The following PADI6 variants were observed in gnomAD, a reference collection of about 807,000 sequenced individuals.
PADI6 encodes the protein peptidyl arginine deiminase 6, also known as inactive protein-arginine deiminase type-6.
In PADI6, 66 loss-of-function variants were observed where a neutral mutation model predicts 78.2. The observed-to-expected ratio is 0.84, with a 90% confidence interval of 0.69 to 1.04. The LOEUF (loss-of-function observed/expected upper bound fraction) is 1.04, where lower values mean the gene tolerates loss of function less well. PADI6 is among the 50% of genes least tolerant of loss of function. PADI6 has a pLI of 0.00. For missense variants in PADI6, 854 were observed against 866.1 expected, an observed-to-expected ratio of 0.99 and a Z score of 0.18; for synonymous variants, 397 against 346.9, an observed-to-expected ratio of 1.14 and a Z score of -1.60.
At chr1:17,398,648 T>TGGGGGGGGGGGGGGGG in intron 14 of PADI6, 38 bp from the exon 15 acceptor site, 1 of 193,326 alleles carries the variant, frequency 5.2e-6, no homozygotes, top group East Asian at 8.4e-5. Flanking sequence ...CTCTCCTTGC[T>TGGGGGGGGGGGGGGGG]CCCCCGCCCC....
At position 17,372,243 on chromosome 1, in the gene PADI6, A is replaced by T. The variant is rs769869522; in HGVS notation, c.-3A>T. 2.5e-6 allele frequency: 4 copies of T among 1,613,650 alleles called. No individual in the cohort carries two copies. On this transcript the variant is annotated 5_prime_UTR_variant, in exon 1 of 16. Coordinates refer to ENST00000619609, the MANE Select transcript of PADI6 (RefSeq NM_207421.4). ...GAGTGAGGGCTGCGGTGCAGGCCTG[A>T]GGATGGTCAGCGTGGAGGGCCGAGC...
In PADI6 at chr1:17,388,436, C is replaced by G; in HGVS notation, c.735C>G (p.Thr245=). 6 of 1,613,812 alleles carry G rather than the reference C, an allele frequency of 3.7e-6. No homozygotes were observed. Among genetic ancestry groups the G allele is most frequent in the Non-Finnish European group, 5.1e-6 (6 of 1,179,816 alleles). ...TGGGGCCCGACCAGCACGCCTATACCTTGGCCCTCCTCGGGAACCACTTGA... is the reference window on the plus strand; with the variant it reads ...TGGGGCCCGACCAGCACGCCTATACGTTGGCCCTCCTCGGGAACCACTTGA... The part of the protein sequence containing the change: ...LVLGPDQHAY[T]LALLGNHLKE... Residue 245 remains threonine, a synonymous_variant, in exon 7 of 16, where the codon ACC becomes ACG. Transcript: ENST00000619609.
chr1:17,401,375 CTG>C lies in PADI6; in HGVS notation c.2025_2026del (p.Ala676LeufsTer42), dbSNP rs2075300052. ...GTTACCTGACAGAGGTCGGAGACAT[CTG>C]TGCCTGTGCCAACATCCGCCGGGTG... ...DCYLTEVGDI[C>X]ACANIRRVPF... On this transcript the variant is annotated frameshift_variant, in exon 16 of 16. Transcript: ENST00000619609. LOFTEE classifies it high-confidence loss of function. The C allele has an allele frequency of 6.2e-7, 1 of 1,613,982 alleles. No homozygotes were observed. Among genetic ancestry groups the C allele is most frequent in the Non-Finnish European group, 8.5e-7 (1 of 1,179,914 alleles).
intron 2 of PADI6, among the ~76,000 whole-genome samples, chr1:17,373,751 C>T (rs976146067): frequency 5.9e-5 from 9 of 152,302 alleles, no homozygotes; most frequent in African/African-American, 1.2e-4. Context: ...CTCCACCTCC[C>T]AAAGTGCTGG....
At chr1:17,387,859 G>A (rs2075136755) in intron 6 of PADI6, among the ~76,000 whole-genome samples, 1 of 152,208 alleles carries the variant, frequency 6.6e-6, no homozygotes. Flanking sequence ...AAAACTAGGA[G>A]ACAGGCTTAA....
At chr1:17,379,835 G>T in intron 3 of PADI6, 85 bp from the exon 4 acceptor site, 1 of 1,225,662 alleles carries the variant, frequency 8.2e-7, no homozygotes, top group Non-Finnish European at 1.2e-6. Flanking sequence ...GCCAGCCTTG[G>T]GCAGCCCCAC....
chr1:17,374,713 C>T (rs1309342267), intron 2 of PADI6, among the ~76,000 whole-genome samples: 8 of 152,210 alleles, frequency 5.3e-5, no homozygotes, highest in Non-Finnish European at 8.8e-5. Flanking sequence ...CTGCCCAGGG[C>T]TCGGCCTCCA....
At chr1:17,393,096 A>G (rs749991190) in intron 9 of PADI6, among the ~76,000 whole-genome samples, 9 of 152,192 alleles carry the variant, frequency 5.9e-5, no homozygotes, top group Non-Finnish European at 1.0e-4. Flanking sequence ...CAGTGCACCT[A>G]GATCACGCCA....
intron 15 of PADI6, 132 bp downstream of exon 15, chr1:17,398,979 C>A: frequency 9.8e-7 from 1 of 1,019,838 alleles, no homozygotes; most frequent in Non-Finnish European, 1.4e-6. Context: ...GGAGGGAGAC[C>A]CCTTCTCCCC....
Position 17,379,968 on chromosome 1 carries a change from C to A in PADI6, c.416C>A (p.Ser139Ter). 6.2e-7 allele frequency: 1 copy of A among 1,613,466 alleles called. No individual in the cohort carries two copies. Among genetic ancestry groups the A allele is most frequent in the South Asian group, 1.1e-5 (1 of 91,030 alleles). Residue 139 changes from serine (S) to a stop codon, truncating the protein, a stop_gained, in exon 4 of 16, where the codon TCA (serine) becomes TAA (stop). Transcript: ENST00000619609. LOFTEE classifies it high-confidence loss of function. Reference sequence around the variant, plus strand: ...TACCGCAATGGGCAAGTTGAGATGTCAAGTGACAAACAGGCTAAGGTGAGT... The same window carrying A: ...TACCGCAATGGGCAAGTTGAGATGTAAAGTGACAAACAGGCTAAGGTGAGT... ...DIYRNGQVEM[S>*]SDKQAKKKWI...
At position 17,375,449 on chromosome 1, in the gene PADI6, C is replaced by A. The variant is rs932561952; in HGVS notation, c.317C>A (p.Pro106His). The A allele has an allele frequency of 4.0e-5, 65 of 1,611,556 alleles. No homozygotes were observed. Among genetic ancestry groups the A allele is most frequent in the Non-Finnish European group, 4.9e-5 (58 of 1,179,068 alleles). Residue 106 changes from proline (P) to histidine (H), a missense_variant, in exon 3 of 16, where the codon CCC (proline) becomes CAC (histidine). Coordinates refer to ENST00000619609, the MANE Select transcript of PADI6 (RefSeq NM_207421.4). ...CAGGTCTCGGTCACATACTATGGGC[C>A]CAACGAGGATGCCCCCGTGGGCACA... is the stretch of plus-strand genomic sequence containing the variant. ...ADKVSVTYYGPNEDAPVGTAV... is the reference protein window; with the variant it reads ...ADKVSVTYYGHNEDAPVGTAV...
chr1:17,375,323 A>G, intron 2 of PADI6, 104 bp from the exon 3 acceptor site: 1 of 1,080,466 alleles, frequency 9.3e-7, no homozygotes, highest in Non-Finnish European at 1.4e-6. Context: ...AAGCCATAAC[A>G]CAAGACCAAG....
In PADI6 at chr1:17,395,741, C is replaced by T; in HGVS notation, c.1618+78C>T. ...GGTCCTTTCTACATAGCCATTCTGT[C>T]ACGCTTGGCGTAAAGGATGCCAGGG... On this transcript the variant is annotated intron_variant, in intron 13 of 15. Transcript: ENST00000619609. The T allele has an allele frequency of 3.3e-6, 5 of 1,499,560 alleles. No homozygotes were observed. The South Asian group carries it at 6.5e-5, about 20-fold the overall frequency. The allele number at this position is 1,499,560 out of a possible 1,614,324, so 92.9% of individuals were successfully genotyped here. A position where few individuals can be genotyped will look rare whatever the true frequency, so the allele number is the denominator to read the frequency against.
intron 13 of PADI6, among the ~76,000 whole-genome samples, chr1:17,395,949 G>A (rs2075242852): frequency 1.3e-5 from 2 of 152,196 alleles, no homozygotes; most frequent in Admixed American, 1.3e-4. Context: ...TGTTAACAAT[G>A]CTAGTGCCTG....
chr1:17,376,394 G>A (rs963966910), intron 3 of PADI6, among the ~76,000 whole-genome samples: 4 of 151,624 alleles, frequency 2.6e-5, no homozygotes, highest in African/African-American at 7.3e-5. Context: ...CCACCTCCCA[G>A]GTTCACACCA....
chr1:17,396,168 C>T lies in PADI6; in HGVS notation c.1618+505C>T, dbSNP rs182723351. Reference sequence around the variant, plus strand: ...TGGGAGGCTGAGGCGGGCAGATCACCTGAGGCCAAAAGTTCGAGGCCAGCC... The same window carrying T: ...TGGGAGGCTGAGGCGGGCAGATCACTTGAGGCCAAAAGTTCGAGGCCAGCC... On this transcript the variant is annotated intron_variant, in intron 13 of 15. Transcript: ENST00000619609. 1.5e-4 allele frequency among the ~76,000 whole-genome samples: 23 copies of T among 152,136 alleles called. No homozygotes were observed. In the East Asian group the frequency reaches 3.1e-3, roughly 21 times the overall value.
At chr1:17,392,255 G>T (rs776666748) in intron 9 of PADI6, 30 bp downstream of exon 9, 2 of 1,464,328 alleles carry the variant, frequency 1.4e-6, no homozygotes, top group Non-Finnish European at 1.9e-6. Flanking sequence ...CCCACCTGTC[G>T]GGGAGGGGTG....
chr1:17,397,874 TGAA>T (rs543906076), intron 14 of PADI6, among the ~76,000 whole-genome samples: 384 of 152,230 alleles, frequency 2.5e-3, no homozygotes, highest in African/African-American at 8.5e-3. Flanking sequence ...GCAGCCTCCT[TGAA>T]GAAGCCGGCT....
rs370846470 is a variant in PADI6, at chr1:17,396,232, G to A, written c.1618+569G>A. Among the ~76,000 whole-genome samples, 327 of 152,232 alleles carry A rather than the reference G, an allele frequency of 2.1e-3. 3 individuals are homozygous for A. Among genetic ancestry groups the A allele is most frequent in the African/African-American group, 7.2e-3 (301 of 41,542 alleles). On this transcript the variant is annotated intron_variant, in intron 13 of 15. Transcript: ENST00000619609. The stretch of plus-strand genomic sequence containing the variant: ...GAAAGCCCATCTCTACTAAAGATAC[G>A]AAAATTAGCCGGGCATGGTGGTGCA...
Sources: gnomAD v4.1 joint callset for allele counts (sites outside exome capture counted in the v4.1 genomes callset) on GRCh38, gnomAD v4.1.1 for gene constraint, MANE v1.5 for transcripts, NCBI Gene and HGNC (gene_info 2026-07-23, HGNC 2026-07-21) for gene names.